The following PLCG2 variants were observed in gnomAD, a reference collection of about 807,000 sequenced individuals.
PLCG2 encodes phospholipase C gamma 2.
A neutral mutation model predicts 175.6 loss-of-function variants in PLCG2; 69 were observed. That is an observed-to-expected ratio of 0.39 (90% CI 0.32 to 0.48). PLCG2 has a LOEUF of 0.48. Ranked by LOEUF, PLCG2 falls within the 20% of genes least tolerant of loss-of-function variation. The probability of loss-of-function intolerance (pLI) is 0.91; values close to 1 mark genes in which losing one functional copy is unlikely to be tolerated. For missense variants in PLCG2, 1,798 were observed against 1,650.9 expected, an observed-to-expected ratio of 1.09 and a Z score of -1.54; for synonymous variants, 827 against 624.0, an observed-to-expected ratio of 1.33 and a Z score of -4.85.
upstream of PLCG2, among the ~76,000 whole-genome samples, chr16:81,774,744 G>GGT (rs1567456308): frequency 2.8e-5 from 4 of 142,998 alleles, no homozygotes; most frequent in Non-Finnish European, 4.6e-5. Context: ...CTCTAAGGGT[G>GGT]TTTTTTTTTT....
chr16:81,821,063 T>A (rs148798010), intron 2 of PLCG2, among the ~76,000 whole-genome samples: 1,903 of 152,208 alleles, frequency 0.013, 33 homozygotes, highest in African/African-American at 0.044. Context: ...GGCTAATTTT[T>A]GTATTTTTAG....
At chr16:81,947,753 G>A (rs190794404) in intron 31 of PLCG2, among the ~76,000 whole-genome samples, 9 of 152,292 alleles carry the variant, frequency 5.9e-5, no homozygotes, top group African/African-American at 2.2e-4. Flanking sequence ...TACTTTGCTA[G>A]CAGTATGTTT....
intron 2 of PLCG2, among the ~76,000 whole-genome samples, chr16:81,836,796 A>G (rs1369817338): frequency 6.6e-6 from 1 of 152,192 alleles, no homozygotes; most frequent in Non-Finnish European, 1.5e-5. Flanking sequence ...TGGCTCAACC[A>G]TTGTGACCTT....
upstream of PLCG2, among the ~76,000 whole-genome samples, chr16:81,778,354 A>C (rs184227668): frequency 5.5e-4 from 83 of 152,206 alleles, no homozygotes; most frequent in African/African-American, 1.9e-3. Flanking sequence ...TGGGTGACAG[A>C]GTGAGACCCT....
At chr16:81,817,287 G>T (rs1413707533) in intron 2 of PLCG2, among the ~76,000 whole-genome samples, 1 of 152,226 alleles carries the variant, frequency 6.6e-6, no homozygotes, top group Admixed American at 6.5e-5. Flanking sequence ...TGTATAAAAT[G>T]GGAATAATAT....
At chr16:81,900,236 A>G (rs939642395) in intron 13 of PLCG2, among the ~76,000 whole-genome samples, 1 of 152,172 alleles carries the variant, frequency 6.6e-6, no homozygotes, top group African/African-American at 2.4e-5. Flanking sequence ...CCTGTTGGTG[A>G]CCCTGGGTGA....
intron 5 of PLCG2, among the ~76,000 whole-genome samples, chr16:81,863,646 C>G (rs1258653104): frequency 6.6e-6 from 1 of 152,172 alleles, no homozygotes; most frequent in Non-Finnish European, 1.5e-5. Flanking sequence ...TGCCGGATTG[C>G]TATACTGTTT....
chr16:81,950,262 C>T (rs1488703219), intron 31 of PLCG2, among the ~76,000 whole-genome samples: 1 of 152,138 alleles, frequency 6.6e-6, no homozygotes, highest in East Asian at 1.9e-4. Flanking sequence ...GGAAGAGTTA[C>T]TGGGAAAATT....
At chr16:81,924,467 G>T (rs1910179512) in intron 22 of PLCG2, among the ~76,000 whole-genome samples, 1 of 152,224 alleles carries the variant, frequency 6.6e-6, no homozygotes, top group Non-Finnish European at 1.5e-5. Context: ...GGTTGGTTCT[G>T]TTGTTACCTG....
At chr16:81,893,827 C>T (rs370232361) in intron 12 of PLCG2, 33 bp downstream of exon 12, 140 of 1,389,866 alleles carry the variant, frequency 1.0e-4, no homozygotes, top group Non-Finnish European at 1.3e-4. Flanking sequence ...AGGTCAGGCT[C>T]GCAGCAAATT....
chr16:81,877,087 G>A (rs7190141), intron 7 of PLCG2, among the ~76,000 whole-genome samples: 4,683 of 152,240 alleles, frequency 0.031, 217 homozygotes, highest in African/African-American at 0.1. Flanking sequence ...GACTGTCACC[G>A]TCTTGCCCCA....
chr16:81,758,453 T>A (rs1909973678), intron 2 of PLCG2, among the ~76,000 whole-genome samples: 1 of 152,242 alleles, frequency 6.6e-6, no homozygotes, highest in South Asian at 2.1e-4. Context: ...ATAATGCTGC[T>A]GTTAACATTT....
intron 30 of PLCG2, among the ~76,000 whole-genome samples, chr16:81,945,746 A>C (rs1911125549): frequency 6.6e-6 from 1 of 152,170 alleles, no homozygotes; most frequent in Admixed American, 6.5e-5. Flanking sequence ...CTCCCATTGG[A>C]AATCTTTAAA....
chr16:81,938,867 A>G lies in PLCG2; in HGVS notation c.3265A>G (p.Ile1089Val). Residue 1089 changes from isoleucine (I) to valine (V), a missense_variant, in exon 29 of 33, where the codon ATC (isoleucine) becomes GTC (valine). Ile to Val is a conservative substitution (Grantham distance 29, BLOSUM62 3). Coordinates refer to ENST00000564138, the MANE Select transcript of PLCG2 (RefSeq NM_002661.5). ...TGCCTGTCCCTTTGTAGAAGTGGAG[A>G]TCTGTGGAGCCGAGTATGACAACAA... ...SIACPFVEVEICGAEYDNNKF... is the reference protein window; with the variant it reads ...SIACPFVEVEVCGAEYDNNKF... The G allele has an allele frequency of 6.2e-7, 1 of 1,613,582 alleles. No homozygotes were observed. Among genetic ancestry groups the G allele is most frequent in the Non-Finnish European group, 8.5e-7 (1 of 1,179,768 alleles).
At chr16:81,775,784 C>G (rs1432262742), upstream of PLCG2, among the ~76,000 whole-genome samples, 2 of 151,968 alleles carry the variant, frequency 1.3e-5, no homozygotes, top group Non-Finnish European at 1.5e-5. Context: ...CTTTTTCTTT[C>G]TTTTGTAGGA....
chr16:81,823,325 G>T (rs1434303070), intron 2 of PLCG2, among the ~76,000 whole-genome samples: 6 of 152,182 alleles, frequency 3.9e-5, no homozygotes, highest in African/African-American at 1.4e-4. Context: ...TCTCTCGACA[G>T]AAACGCAGAA....
At chr16:81,767,371 C>G (rs981437037) in intron 2 of PLCG2, 1 of 152,048 alleles carries the variant, frequency 6.6e-6, no homozygotes, top group Non-Finnish European at 1.5e-5. Context: ...TCTCAAACTC[C>G]TGACCTAAAG....
At chr16:81,815,518 C>T (rs1042797940) in intron 2 of PLCG2, among the ~76,000 whole-genome samples, 84 of 152,324 alleles carry the variant, frequency 5.5e-4, no homozygotes, top group African/African-American at 1.9e-3. Context: ...GGGCTGTTTT[C>T]TTCTTCAGCC....
chr16:81,929,419 A>G (rs745527717), intron 24 of PLCG2, among the ~76,000 whole-genome samples: 1 of 152,138 alleles, frequency 6.6e-6, no homozygotes, highest in Non-Finnish European at 1.5e-5. Flanking sequence ...TTTTCGCGAT[A>G]GAGTCTCGCT....
Sources: gnomAD v4.1 joint callset for allele counts (sites outside exome capture counted in the v4.1 genomes callset) on GRCh38, gnomAD v4.1.1 for gene constraint, MANE v1.5 for transcripts, NCBI Gene and HGNC (gene_info 2026-07-23, HGNC 2026-07-21) for gene names.